Variants in ZFHX3 observed in about 807,000 individuals in gnomAD.
ZFHX3 encodes the protein zinc finger homeobox 3.
Under a neutral mutation model 279.1 loss-of-function variants are expected in ZFHX3, and 42 were observed. That is an observed-to-expected ratio of 0.15 (90% CI 0.12 to 0.19). The LOEUF (loss-of-function observed/expected upper bound fraction) is 0.19. Ranked by LOEUF, ZFHX3 falls within the 10% of genes least tolerant of loss-of-function variation. The probability of loss-of-function intolerance (pLI) is 1.00; values close to 1 mark genes in which losing one functional copy is unlikely to be tolerated. For synonymous variants in ZFHX3, 2,293 were observed against 1,957.8 expected (o/e 1.17, Z -4.52); for missense variants, 4,981 against 4,754.0 (o/e 1.05, Z -1.40).
Position 72,999,423 on chromosome 16 carries a change from C to T in ZFHX3, c.-49-39229G>A, listed in dbSNP as rs150407588. ...CCTCCCACCTCAGCCTCCCAAAGTG[C>T]TGGGATTACAGGCATGAGCCAACAT... On this transcript the variant is annotated intron_variant, in intron 1 of 9. Coordinates refer to ENST00000268489, the MANE Select transcript of ZFHX3 (RefSeq NM_006885.4). 4.2e-3 allele frequency among the ~76,000 whole-genome samples: 645 copies of T among 152,328 alleles called. 10 individuals are homozygous for T. Among genetic ancestry groups the T allele is most frequent in the Middle Eastern group, 0.01 (3 of 294 alleles).
At chr16:73,768,330 A>G (rs2053977697) in intron 1 of ZFHX3, among the ~76,000 whole-genome samples, 1 of 152,204 alleles carries the variant, frequency 6.6e-6, no homozygotes, top group Non-Finnish European at 1.5e-5. Flanking sequence ...AAAGGATGGG[A>G]GCAGACATGG....
chr16:73,528,991 C>T (rs2019744844), intron 2 of ZFHX3, among the ~76,000 whole-genome samples: 1 of 152,198 alleles, frequency 6.6e-6, no homozygotes, highest in African/African-American at 2.4e-5. Flanking sequence ...AATTAATAAG[C>T]TAGGGGTTTC....
intron 3 of ZFHX3, chr16:73,400,074 T>TA (rs200377623): frequency 0.12 from 16,465 of 134,812 alleles, 910 homozygotes; most frequent in South Asian, 0.15. Flanking sequence ...GTCAAATCTG[T>TA]AAAAAAAAAA....
rs902704334 is a variant in ZFHX3, at chr16:72,848,597, G to A, written c.3449-18738C>T. 6.6e-5 allele frequency among the ~76,000 whole-genome samples: 10 copies of A among 151,750 alleles called. No individual in the cohort carries two copies. The East Asian group carries it at 1.8e-3, about 27-fold the overall frequency. ...GTTCCCTCCTAAGTCAGACCCCTTC[G>A]GCGGCCTCCCAGGCTGGGTCTGCGG... On this transcript the variant is annotated intron_variant, in intron 4 of 9. Coordinates refer to ENST00000268489, the MANE Select transcript of ZFHX3 (RefSeq NM_006885.4).
chr16:72,876,241 T>G (rs1039889140), intron 4 of ZFHX3, among the ~76,000 whole-genome samples: 2 of 152,136 alleles, frequency 1.3e-5, no homozygotes, highest in African/African-American at 4.8e-5. Flanking sequence ...AGAAGCAAAT[T>G]TTACTGTTCT....
intron 4 of ZFHX3, 83 bp downstream of exon 4, chr16:72,889,648 C>T (rs2038720937): frequency 7.4e-7 from 1 of 1,359,544 alleles, no homozygotes; most frequent in African/African-American, 1.5e-5. Context: ...TAACGTCTCC[C>T]TCAAACAGAA....
intron 4 of ZFHX3, among the ~76,000 whole-genome samples, chr16:72,849,860 C>CAAAAAA (rs542156633): frequency 5.3e-5 from 3 of 56,564 alleles, no homozygotes; most frequent in African/African-American, 7.9e-5. Flanking sequence ...GTTCACCTAC[C>CAAAAAA]AAAAAAAAAA....
intron 2 of ZFHX3, among the ~76,000 whole-genome samples, chr16:73,462,540 AGCTGT>A (rs2018490681): frequency 1.3e-5 from 2 of 152,144 alleles, no homozygotes; most frequent in South Asian, 4.1e-4. Flanking sequence ...GTATAACACT[AGCTGT>A]AGGTTTTTGT....
intron 4 of ZFHX3, among the ~76,000 whole-genome samples, chr16:72,840,308 G>A (rs891242705): frequency 1.3e-5 from 2 of 152,142 alleles, no homozygotes; most frequent in Non-Finnish European, 2.9e-5. Flanking sequence ...AGAACCTAAT[G>A]GGCATAAGTG....
intron 1 of ZFHX3, among the ~76,000 whole-genome samples, chr16:73,726,857 A>T (rs2053523123): frequency 6.6e-6 from 1 of 152,166 alleles, no homozygotes; most frequent in Non-Finnish European, 1.5e-5. Context: ...ATTTAGGGGG[A>T]CACATATGCA....
intron 1 of ZFHX3, among the ~76,000 whole-genome samples, chr16:73,705,071 C>T (rs563285887): frequency 4.6e-5 from 7 of 151,976 alleles, no homozygotes; most frequent in Admixed American, 1.3e-4. Context: ...ATAGTATTTC[C>T]GACTCACAAA....
intron 3 of ZFHX3, among the ~76,000 whole-genome samples, chr16:73,430,372 T>C (rs191904471): frequency 1.3e-4 from 20 of 152,282 alleles, no homozygotes; most frequent in African/African-American, 4.3e-4. Flanking sequence ...AATTTAAATG[T>C]ATATGGGTGT....
intron 6 of ZFHX3, among the ~76,000 whole-genome samples, chr16:73,135,914 G>C (rs943331335): frequency 4.6e-5 from 7 of 151,148 alleles, no homozygotes; most frequent in African/African-American, 1.7e-4. Context: ...CTGGAGTACA[G>C]TGGTGCGATC....
At chr16:73,518,392 C>A (rs2019558287) in intron 2 of ZFHX3, among the ~76,000 whole-genome samples, 1 of 152,168 alleles carries the variant, frequency 6.6e-6, no homozygotes, top group Non-Finnish European at 1.5e-5. Context: ...TTTTTTATTG[C>A]CTGGTTCAAT....
At chr16:73,471,864 T>C (rs1200470461) in intron 2 of ZFHX3, among the ~76,000 whole-genome samples, 2 of 152,172 alleles carry the variant, frequency 1.3e-5, no homozygotes, top group South Asian at 4.1e-4. Context: ...GAAAAAACCC[T>C]GCAGCATTCT....
rs370933867 is a variant in ZFHX3, at chr16:72,811,683, C to T, written c.3758G>A (p.Arg1253His). The change falls in exon 7 of 10, where the codon CGC (arginine) becomes CAC (histidine). Residue 1253 changes from arginine to histidine, a missense_variant. This residue lies in a region of ZFHX3 where 1,751 missense variants were observed against 1,770.0 expected (regional missense o/e 0.99). Coordinates refer to ENST00000268489, the MANE Select transcript of ZFHX3 (RefSeq NM_006885.4). Reference protein sequence around the residue: ...MTQHSVQPMLRCPLCQDMLNN... With the variant: ...MTQHSVQPMLHCPLCQDMLNN... ...GAGCATGTCCTGGCACAGGGGGCAG[C>T]GAAGCATGGGTTGCACCGAGTGCTG... 22 of 1,613,940 alleles carry T rather than the reference C, an allele frequency of 1.4e-5. No individual in the cohort carries two copies. The highest frequency in any genetic ancestry group is 5.3e-5 in the African/African-American group (4 of 74,934).
chr16:73,250,295 A>G (rs1357022179), intron 5 of ZFHX3, among the ~76,000 whole-genome samples: 1 of 152,236 alleles, frequency 6.6e-6, no homozygotes, highest in Non-Finnish European at 1.5e-5. Context: ...CTAAGTTGAC[A>G]TAAGCATATC....
At chr16:73,241,250 G>A (rs1480109607) in intron 5 of ZFHX3, among the ~76,000 whole-genome samples, 1 of 152,174 alleles carries the variant, frequency 6.6e-6, no homozygotes, top group Non-Finnish European at 1.5e-5. Flanking sequence ...CCCTTTTTGA[G>A]TTATACCATC....
intron 5 of ZFHX3, among the ~76,000 whole-genome samples, chr16:73,152,592 A>G (rs1318337390): frequency 6.7e-6 from 1 of 149,048 alleles, no homozygotes; most frequent in Non-Finnish European, 1.5e-5. Context: ...AACTTTGTAT[A>G]CAAACTAGGG....
Sources: allele counts gnomAD v4.1 joint callset (sites outside exome capture counted in the v4.1 genomes callset), GRCh38; gene constraint gnomAD v4.1.1; regional missense constraint gnomAD v4.1.1; transcripts MANE v1.5; gene names NCBI Gene and HGNC (gene_info 2026-07-23, HGNC 2026-07-21).